RAP1GAP2: variants seen among roughly 807,000 people sequenced by gnomAD.
The protein encoded by RAP1GAP2 is rap1 GTPase-activating protein 2.
A neutral mutation model predicts 95.0 loss-of-function variants in RAP1GAP2; 27 were observed. The ratio of observed to expected loss-of-function variants is 0.28; its 90% CI spans 0.21 to 0.39. The LOEUF is 0.39. Among genes scored for constraint, RAP1GAP2 ranks in the 10% least tolerant of loss-of-function variants. RAP1GAP2 has a pLI of 1.00. For missense variants in RAP1GAP2, 771 were observed against 970.0 expected, an observed-to-expected ratio of 0.79 and a Z score of 2.72; for synonymous variants, 373 against 380.9, an observed-to-expected ratio of 0.98 and a Z score of 0.24.
At chr17:2,966,009 C>T (rs529445469) in intron 8 of RAP1GAP2, 36 of 236,538 alleles carry the variant, frequency 1.5e-4, no homozygotes, top group African/African-American at 7.3e-4. Flanking sequence ...GGAGAGGGTT[C>T]GCCAGAGTGC....
intron 2 of RAP1GAP2, among the ~76,000 whole-genome samples, chr17:2,836,312 A>C (rs1387780622): frequency 1.3e-5 from 2 of 152,052 alleles, no homozygotes; most frequent in Non-Finnish European, 2.9e-5. Context: ...AAGTCCATGA[A>C]AACTTTTGTA....
At chr17:2,853,841 C>T (rs1597443790) in intron 2 of RAP1GAP2, 1 of 848,690 alleles carries the variant, frequency 1.2e-6, no homozygotes, top group Non-Finnish European at 1.4e-6. Context: ...AGCGCGCGGT[C>T]ACCTGACCCC....
chr17:2,853,913 C>G (rs1204380864), intron 2 of RAP1GAP2: 4 of 978,978 alleles, frequency 4.1e-6, no homozygotes, highest in Non-Finnish European at 4.8e-6. Flanking sequence ...GGGGCGCGGG[C>G]TCAGGGGCCG....
At chr17:2,894,912 T>C (rs1248150125) in intron 2 of RAP1GAP2, among the ~76,000 whole-genome samples, 1 of 152,150 alleles carries the variant, frequency 6.6e-6, no homozygotes, top group Non-Finnish European at 1.5e-5. Flanking sequence ...CTCTGCTGCT[T>C]GCAGAGTCCT....
intron 3 of RAP1GAP2, among the ~76,000 whole-genome samples, chr17:2,940,340 G>GCCC (rs2043448704): frequency 3.3e-5 from 5 of 152,216 alleles, no homozygotes; most frequent in African/African-American, 9.6e-5. Context: ...TTCGAGGTGG[G>GCCC]TCCTGGCAGA....
chr17:2,802,956 A>G (rs1369743755), intron 2 of RAP1GAP2, among the ~76,000 whole-genome samples: 2 of 152,186 alleles, frequency 1.3e-5, no homozygotes, highest in African/African-American at 2.4e-5. Flanking sequence ...AGTGGACACA[A>G]TAATGTCTGG....
chr17:3,002,465 G>A (rs562526050), intron 14 of RAP1GAP2, among the ~76,000 whole-genome samples: 7 of 152,312 alleles, frequency 4.6e-5, no homozygotes, highest in South Asian at 4.1e-4. Flanking sequence ...TCCCCAAAGC[G>A]CTGTCCATCC....
chr17:2,920,010 C>CTT (rs34848214), intron 3 of RAP1GAP2, among the ~76,000 whole-genome samples: 14,603 of 116,856 alleles, frequency 0.12, 1,061 homozygotes, highest in African/African-American at 0.21. Context: ...CTCCTTTTTT[C>CTT]TTTTTTTTTT....
At chr17:2,767,372 A>AAG (rs1395008142) in intron 1 of RAP1GAP2, among the ~76,000 whole-genome samples, 57 of 149,578 alleles carry the variant, frequency 3.8e-4, no homozygotes, top group African/African-American at 1.4e-3. Flanking sequence ...AAAAAAAAAA[A>AAG]AAAAAAAAAA....
upstream of RAP1GAP2, among the ~76,000 whole-genome samples, chr17:2,792,464 A>G (rs2068949767): frequency 6.6e-6 from 1 of 152,216 alleles, no homozygotes; most frequent in South Asian, 2.1e-4. Context: ...CTGGGCCCCA[A>G]GGAAGGAGAG....
chr17:2,896,499 T>C (rs952794877), intron 2 of RAP1GAP2, among the ~76,000 whole-genome samples: 1 of 152,222 alleles, frequency 6.6e-6, no homozygotes, highest in Admixed American at 6.5e-5. Flanking sequence ...CAGGCTCACA[T>C]AGAACTCGGA....
intron 3 of RAP1GAP2, among the ~76,000 whole-genome samples, chr17:2,940,149 C>T (rs757605096): frequency 4.6e-5 from 7 of 152,166 alleles, no homozygotes; most frequent in Admixed American, 6.5e-5. Flanking sequence ...GGAACAGAGC[C>T]TCTCCTGTTG....
chr17:2,980,481 CT>C, intron 9 of RAP1GAP2, 116 bp downstream of exon 9: 1 of 1,033,276 alleles, frequency 9.7e-7, no homozygotes, highest in Non-Finnish European at 1.5e-6. Flanking sequence ...GGGGAGGCCA[CT>C]TTACTCTTTG....
At chr17:3,025,628 G>A (rs925634187) in intron 19 of RAP1GAP2, among the ~76,000 whole-genome samples, 4 of 152,126 alleles carry the variant, frequency 2.6e-5, no homozygotes, top group Admixed American at 6.5e-5. Flanking sequence ...CGGTGGGGGC[G>A]GATGTCATAG....
intron 3 of RAP1GAP2, among the ~76,000 whole-genome samples, chr17:2,930,490 T>C (rs80009404): frequency 0.018 from 2,702 of 152,294 alleles, 85 homozygotes; most frequent in African/African-American, 0.061. Flanking sequence ...AGGCTTCTGT[T>C]ACTTGCCCTG....
chr17:2,852,105 G>A (rs2071877843), intron 2 of RAP1GAP2, among the ~76,000 whole-genome samples: 1 of 152,134 alleles, frequency 6.6e-6, no homozygotes, highest in Non-Finnish European at 1.5e-5. Context: ...GGAGAGAGGG[G>A]AAGAGAAGCT....
rs377125686 is a variant in RAP1GAP2 at position 2,762,621 on chromosome 17, G to A, written c.50+6854G>A. ...TCACCATGCTGGCCAAGCTGGTCTC[G>A]AACTCCTTACCTCAGATGATCCACT... On this transcript the variant is annotated intron_variant, in intron 1 of 25. Coordinates refer to the RAP1GAP2 transcript ENST00000637138. Among the ~76,000 whole-genome samples the A allele has an allele frequency of 4.5e-3, 683 of 150,322 alleles. 3 individuals are homozygous for A. The highest frequency in any genetic ancestry group is 0.015 in the African/African-American group (631 of 40,844).
rs187005147 is a variant in RAP1GAP2 at position 3,005,828 on chromosome 17, C to T, written c.1273-127C>T. The T allele has an allele frequency of 2.3e-4, 201 of 877,256 alleles. 2 individuals carry two copies. Among genetic ancestry groups the T allele is most frequent in the Middle Eastern group, 5.0e-4 (2 of 4,002 alleles). The allele number at this position is 877,256 out of a possible 1,614,324, so 54.3% of individuals were successfully genotyped here. On this transcript the variant is annotated intron_variant, in intron 15 of 24. Transcript: ENST00000254695. This position sits in a 1 kb window ranked among gnomAD's most constrained non-coding sequence, Gnocchi z 5.2. ...GGCTTGGCCTGGGCTAGAAATGATC[C>T]GCTGTCGGAAGGGACTTTTCAGGGG... is the stretch of plus-strand genomic sequence containing the variant.
At chr17:2,923,580 T>C (rs149489904) in intron 3 of RAP1GAP2, among the ~76,000 whole-genome samples, 4,980 of 150,514 alleles carry the variant, frequency 0.033, 122 homozygotes, top group African/African-American at 0.069. Flanking sequence ...GTGATCCACC[T>C]GCCTCAGCCT....
Sources: gnomAD v4.1 joint callset for allele counts (sites outside exome capture counted in the v4.1 genomes callset) on GRCh38, gnomAD v4.1.1 for gene constraint, Gnocchi (gnomAD v3.1) non-coding constraint, MANE v1.5 for transcripts, NCBI Gene and HGNC (gene_info 2026-07-23, HGNC 2026-07-21) for gene names.